The following CDH18 variants were observed in gnomAD, a reference collection of about 807,000 sequenced individuals.
CDH18 encodes cadherin 18.
In CDH18, 31 loss-of-function variants were observed where a neutral mutation model predicts 67.9. The observed-to-expected ratio is 0.46, with a 90% CI of 0.34 to 0.62. The LOEUF is 0.62. CDH18 is among the 20% of genes least tolerant of loss of function. The pLI is 0.01. For synonymous variants in CDH18, 362 were observed against 347.2 expected, an observed-to-expected ratio of 1.04 and a Z score of -0.48; for missense variants, 890 against 975.5, an observed-to-expected ratio of 0.91 and a Z score of 1.17.
intron 1 of CDH18, chr5:20,303,949 G>T: frequency 1.4e-6 from 1 of 714,190 alleles, no homozygotes; most frequent in Non-Finnish European, 2.4e-6. Flanking sequence ...TTATCTGTAA[G>T]TTCTTAGAAT....
At chr5:20,075,797 A>G (rs896920304) in intron 2 of CDH18, among the ~76,000 whole-genome samples, 1 of 152,180 alleles carries the variant, frequency 6.6e-6, no homozygotes, top group Non-Finnish European at 1.5e-5. Context: ...GGTTGTGATT[A>G]CAGTGGGAAA....
Position 19,714,723 on chromosome 5 carries a change from C to T in CDH18, c.643+6624G>A, listed in dbSNP as rs568215726. On this transcript the variant is annotated intron_variant, in intron 5 of 12. Coordinates refer to ENST00000382275, the MANE Select transcript of CDH18 (RefSeq NM_004934.5). ...TGATTGCAAGAGAAGGGACATACAG[C>T]AGGTCCTCAAATTATGTCATTTCCA... Among the ~76,000 whole-genome samples the T allele has an allele frequency of 2.2e-5, 3 of 135,180 alleles. No homozygotes were observed. The South Asian group carries it at 6.7e-4, about 30-fold the overall frequency. The allele number at this position is 135,180 out of a possible 152,430, so 88.7% of individuals were successfully genotyped here.
At chr5:20,265,944 A>T (rs1296258175) in intron 1 of CDH18, among the ~76,000 whole-genome samples, 1 of 152,212 alleles carries the variant, frequency 6.6e-6, no homozygotes, top group African/African-American at 2.4e-5. Flanking sequence ...CACCAAATCT[A>T]CTGAAGATCT....
chr5:20,412,911 C>T (rs949103944), intron 1 of CDH18, among the ~76,000 whole-genome samples: 14 of 152,134 alleles, frequency 9.2e-5, no homozygotes, highest in Non-Finnish European at 7.3e-5. Flanking sequence ...TTGCTGCACC[C>T]ATTAACTTGT....
chr5:19,603,868 A>C (rs1399692533), intron 6 of CDH18, among the ~76,000 whole-genome samples: 1 of 150,264 alleles, frequency 6.7e-6, no homozygotes, highest in Non-Finnish European at 1.5e-5. Context: ...TTATGTTCTA[A>C]CTCATTAGAA....
At chr5:19,608,958 A>T (rs1052134009) in intron 6 of CDH18, among the ~76,000 whole-genome samples, 1 of 151,900 alleles carries the variant, frequency 6.6e-6, no homozygotes, top group Non-Finnish European at 1.5e-5. Context: ...TAGGATATAG[A>T]AGGTTTGTTT....
intron 2 of CDH18, among the ~76,000 whole-genome samples, chr5:20,036,163 A>G (rs1270814906): frequency 6.6e-6 from 1 of 152,068 alleles, no homozygotes; most frequent in African/African-American, 2.4e-5. Context: ...CAATTTACAG[A>G]AAGTGTATCC....
chr5:19,631,931 T>TA (rs1752478866), intron 5 of CDH18, among the ~76,000 whole-genome samples: 1 of 152,176 alleles, frequency 6.6e-6, no homozygotes, highest in Non-Finnish European at 1.5e-5. Context: ...ATTTCGGTCA[T>TA]ACAGTATAGT....
At chr5:19,607,029 T>G (rs1333889814) in intron 6 of CDH18, among the ~76,000 whole-genome samples, 1 of 151,710 alleles carries the variant, frequency 6.6e-6, no homozygotes, top group Non-Finnish European at 1.5e-5. Context: ...TAATAATTAT[T>G]GAAATGGAGA....
chr5:20,204,670 T>C (rs189157312), intron 2 of CDH18, among the ~76,000 whole-genome samples: 20 of 151,946 alleles, frequency 1.3e-4, no homozygotes, highest in Admixed American at 1.1e-3. Context: ...AGAAACCTAT[T>C]AAAAATAAGA....
intron 7 of CDH18, among the ~76,000 whole-genome samples, chr5:19,585,787 T>C (rs1408815676): frequency 1.3e-5 from 2 of 152,208 alleles, no homozygotes; most frequent in East Asian, 1.9e-4. Flanking sequence ...ACAGTGTTTT[T>C]CTATTTTTTT....
intron 10 of CDH18, among the ~76,000 whole-genome samples, chr5:19,510,810 T>C (rs1286523272): frequency 8.6e-6 from 1 of 116,132 alleles, no homozygotes; most frequent in Non-Finnish European, 1.8e-5. Context: ...TCAGGAGATC[T>C]GATTTTTTTT....
chr5:19,643,073 A>T (rs1440881395), intron 5 of CDH18, among the ~76,000 whole-genome samples: 1 of 152,104 alleles, frequency 6.6e-6, no homozygotes, highest in Non-Finnish European at 1.5e-5. Flanking sequence ...CTACCAGATT[A>T]ATATAAAGGT....
intron 5 of CDH18, among the ~76,000 whole-genome samples, chr5:19,621,711 G>T (rs1419030438): frequency 1.3e-5 from 2 of 152,108 alleles, no homozygotes; most frequent in African/African-American, 4.8e-5. Context: ...TGTGTATAAA[G>T]ATTTAGATGT....
chr5:19,987,180 C>T (rs1799649052), intron 1 of CDH18, among the ~76,000 whole-genome samples: 1 of 151,586 alleles, frequency 6.6e-6, no homozygotes, highest in Admixed American at 6.6e-5. Flanking sequence ...ATTTTAATAG[C>T]CCTAGCTAAT....
At chr5:20,065,896 T>A (rs1387642370) in intron 2 of CDH18, among the ~76,000 whole-genome samples, 2 of 152,006 alleles carry the variant, frequency 1.3e-5, no homozygotes. Flanking sequence ...ATAAAGGCAA[T>A]CCTCACAGTG....
At chr5:19,616,871 A>G (rs1054373044) in intron 5 of CDH18, among the ~76,000 whole-genome samples, 2 of 152,160 alleles carry the variant, frequency 1.3e-5, no homozygotes, top group Non-Finnish European at 2.9e-5. Flanking sequence ...CCGTCTTACC[A>G]TGTCCTCACA....
intron 3 of CDH18, among the ~76,000 whole-genome samples, chr5:19,796,383 T>G (rs1776855758): frequency 6.6e-6 from 1 of 152,182 alleles, no homozygotes; most frequent in African/African-American, 2.4e-5. Flanking sequence ...ACAGTAGATT[T>G]CGCATGTAAC....
intron 2 of CDH18, among the ~76,000 whole-genome samples, chr5:20,056,683 T>G (rs1561754314): frequency 7.7e-6 from 1 of 130,536 alleles, no homozygotes; most frequent in Non-Finnish European, 1.6e-5. Context: ...ATATTCTCTT[T>G]TTTTTTTTTT....
Sources: allele counts gnomAD v4.1 joint callset (sites outside exome capture counted in the v4.1 genomes callset), GRCh38; gene constraint gnomAD v4.1.1; transcripts MANE v1.5; gene names NCBI Gene and HGNC (gene_info 2026-07-23, HGNC 2026-07-21).